MYL4: variants seen among roughly 807,000 people sequenced by gnomAD.
MYL4 encodes the protein myosin light chain 4.
In MYL4, 16 loss-of-function variants were observed where a neutral mutation model predicts 21.6. The observed-to-expected ratio is 0.74, with a 90% CI of 0.50 to 1.12. The LOEUF is 1.12. MYL4 is among the 50% of genes most tolerant of loss of function. The pLI is 0.00. For missense variants in MYL4, 249 were observed against 252.9 expected (o/e 0.98, Z 0.11); for synonymous variants, 82 against 95.7 (o/e 0.86, Z 0.83).
At position 47,213,522 on chromosome 17, in the gene MYL4, T is replaced by G. The variant is rs114290260; in HGVS notation, c.136-277T>G. Among the ~76,000 whole-genome samples, 2,372 of 152,062 alleles carry G rather than the reference T, an allele frequency of 0.016. 55 individuals carry two copies. The highest frequency in any genetic ancestry group is 0.054 in the African/African-American group (2,245 of 41,538). On this transcript the variant is annotated intron_variant, in intron 1 of 6. Transcript: ENST00000393450. ...TGTATTTTTTGTATTATATTTTATT[T>G]TCGTGTGGTTATTTATTGTTTTCTG...
At chr17:47,209,291 C>A, upstream of MYL4, 1 of 1,200,866 alleles carries the variant, frequency 8.3e-7, no homozygotes, top group Non-Finnish European at 1.2e-6. Context: ...TTTCACCCAG[C>A]CCCTCTGTGG....
Position 47,209,452 on chromosome 17 carries a change from G to C in MYL4, c.30G>C (p.Lys10Asn). 1.9e-6 allele frequency: 3 copies of C among 1,614,176 alleles called. No homozygotes were observed. The highest frequency in any genetic ancestry group is 2.5e-6 in the Non-Finnish European group (3 of 1,180,040). ...CTCCCAAGAAGCCTGAGCCTAAGAA[G>C]GAGGCAGCCAAGCCAGCTCCAGCTC... MAPKKPEPKKEAAKPAPAPA... is the reference protein window; with the variant it reads MAPKKPEPKNEAAKPAPAPA... Residue 10 changes from lysine to asparagine, a missense_variant, in exon 1 of 7, where the codon AAG becomes AAC. Physicochemically the swap from Lys to Asn is moderately conservative, Grantham distance 94. Coordinates refer to ENST00000393450, the MANE Select transcript of MYL4 (RefSeq NM_002476.2).
rs534752906 is a variant in MYL4, at chr17:47,203,226, C to G, written c.-35+2640C>G. 6.6e-5 allele frequency among the ~76,000 whole-genome samples: 10 copies of G among 152,302 alleles called. No individual in the cohort carries two copies. The East Asian group carries it at 1.2e-3, about 18-fold the overall frequency. ...TCAGCCTCCCAAAGTGCTGGGAATA[C>G]TGGGCTAAAACATTTCGACTTCTAT... On this transcript the variant is annotated intron_variant and NMD_transcript_variant, in intron 1 of 6. Coordinates refer to the MYL4 transcript ENST00000571981.
chr17:47,218,150 A>G (rs914359228), intron 2 of MYL4, among the ~76,000 whole-genome samples: 1 of 152,192 alleles, frequency 6.6e-6, no homozygotes, highest in Admixed American at 6.5e-5. Flanking sequence ...AAGTCAAGCA[A>G]TGGGAATGAA....
At chr17:47,210,402 G>A (rs1438285720) in intron 1 of MYL4, among the ~76,000 whole-genome samples, 2 of 152,182 alleles carry the variant, frequency 1.3e-5, no homozygotes, top group African/African-American at 4.8e-5. Context: ...GGGCTGAAGA[G>A]GGAGGGGGCC....
upstream of MYL4, among the ~76,000 whole-genome samples, chr17:47,207,768 T>G (rs1433697270): frequency 6.6e-6 from 1 of 150,846 alleles, no homozygotes; most frequent in African/African-American, 2.5e-5. Flanking sequence ...ACTTTCAAAG[T>G]TTTTTTTACA....
downstream of MYL4, among the ~76,000 whole-genome samples, chr17:47,224,552 C>T (rs115940498): frequency 0.016 from 2,387 of 152,288 alleles, 54 homozygotes; most frequent in African/African-American, 0.054. Flanking sequence ...TCCCCCAGCC[C>T]CTGGCAATCA....
upstream of MYL4, chr17:47,209,105 G>A (rs1450514034): frequency 6.3e-6 from 3 of 476,366 alleles, no homozygotes; most frequent in Non-Finnish European, 1.1e-5. Context: ...TGTTTCCCTG[G>A]TCCTTCTGGG....
At chr17:47,189,473 T>G in the MYL4 span, 3 of 484,010 alleles carry the variant, frequency 6.2e-6, no homozygotes, top group African/African-American at 2.0e-5. Flanking sequence ...ACCCAAAGCG[T>G]AGGTTTCTCT....
intron 1 of MYL4, chr17:47,200,628 ATC>A (rs2064705801): frequency 6.6e-6 from 1 of 152,142 alleles, no homozygotes; most frequent in Admixed American, 6.6e-5. Context: ...GCAACTATAA[ATC>A]TCTGCCAAAC....
chr17:47,215,169 T>G (rs984304515), intron 2 of MYL4, among the ~76,000 whole-genome samples: 30 of 152,352 alleles, frequency 2.0e-4, no homozygotes, highest in African/African-American at 6.7e-4. Context: ...TGACTCTGTT[T>G]TCATAATACT....
At chr17:47,204,141 G>A (rs2064718914), upstream of MYL4, among the ~76,000 whole-genome samples, 1 of 152,230 alleles carries the variant, frequency 6.6e-6, no homozygotes, top group Non-Finnish European at 1.5e-5. Context: ...TTTGAGTCAT[G>A]GCGAGTGAGG....
chr17:47,208,928 A>T (rs1308420098), upstream of MYL4: 11 of 175,160 alleles, frequency 6.3e-5, no homozygotes, highest in Admixed American at 6.0e-4. Flanking sequence ...GAGGGCCCAG[A>T]GTGGCTCTCA....
At chr17:47,205,597 C>T (rs937612613), upstream of MYL4, among the ~76,000 whole-genome samples, 51 of 152,200 alleles carry the variant, frequency 3.4e-4, no homozygotes, top group Admixed American at 2.0e-4. Flanking sequence ...CCACAGCTCT[C>T]CTCCAGTTGT....
At chr17:47,212,304 T>A (rs2064782100) in intron 1 of MYL4, among the ~76,000 whole-genome samples, 1 of 152,232 alleles carries the variant, frequency 6.6e-6, no homozygotes, top group Admixed American at 6.5e-5. Flanking sequence ...AGCATTAAAT[T>A]ACTATGCATT....
chr17:47,222,909 G>T, intron 5 of MYL4, 105 bp from the exon 6 acceptor site: 3 of 1,382,450 alleles, frequency 2.2e-6, no homozygotes, highest in South Asian at 2.4e-5. Flanking sequence ...TCTGGAGAAA[G>T]GGGAGCAGGA....
At chr17:47,214,046 A>T in intron 2 of MYL4, 1 of 538,010 alleles carries the variant, frequency 1.9e-6, no homozygotes. Context: ...TGAGGTAGAA[A>T]TTGTTACCTC....
chr17:47,203,280 A>G (rs1189848097), intron 1 of MYL4, among the ~76,000 whole-genome samples: 7 of 152,160 alleles, frequency 4.6e-5, no homozygotes, highest in African/African-American at 1.7e-4. Context: ...TAAATTGTCA[A>G]TTAAATGTAA....
At chr17:47,214,009 A>G (rs2064796185) in intron 2 of MYL4, 183 bp downstream of exon 2, 1 of 648,784 alleles carries the variant, frequency 1.5e-6, no homozygotes. Context: ...ATATGGATTA[A>G]CTCCTTTAAT....
Sources: allele counts gnomAD v4.1 joint callset (sites outside exome capture counted in the v4.1 genomes callset), GRCh38; gene constraint gnomAD v4.1.1; transcripts MANE v1.5; gene names NCBI Gene and HGNC (gene_info 2026-07-23, HGNC 2026-07-21).